STAU2: variants seen among roughly 807,000 people sequenced by gnomAD.
The protein encoded by STAU2 is double-stranded RNA-binding protein Staufen homolog 2.
STAU2 carries 20 observed loss-of-function variants against 65.9 expected under a neutral mutation model. That is an observed-to-expected ratio of 0.30 (90% CI 0.21 to 0.44). The LOEUF (loss-of-function observed/expected upper bound fraction) is 0.44, where lower values mean the gene tolerates loss of function less well. STAU2 is among the 20% of genes least tolerant of loss of function. The probability of loss-of-function intolerance (pLI) is 1.00; values close to 1 mark genes in which losing one functional copy is unlikely to be tolerated. For missense variants in STAU2, 558 were observed against 683.9 expected (o/e 0.82, Z 2.05); for synonymous variants, 232 against 233.9 (o/e 0.99, Z 0.07).
At chr8:73,626,839 A>G (rs117650003) in intron 6 of STAU2, among the ~76,000 whole-genome samples, 8,935 of 152,096 alleles carry the variant, frequency 0.059, 345 homozygotes, top group Middle Eastern at 0.19. Context: ...TGGGTGATCA[A>G]CTCTAGTGAA....
At chr8:73,641,042 AATACTTGCCC>A (rs1563476023) in intron 6 of STAU2, among the ~76,000 whole-genome samples, 2 of 152,212 alleles carry the variant, frequency 1.3e-5, no homozygotes, top group Non-Finnish European at 2.9e-5. Context: ...AACTCTATAT[AATACTTGCCC>A]ACTGAGTGAT....
intron 13 of STAU2, among the ~76,000 whole-genome samples, chr8:73,468,778 T>C (rs1819806366): frequency 6.6e-6 from 1 of 152,130 alleles, no homozygotes; most frequent in Non-Finnish European, 1.5e-5. Context: ...CCAGTTAGAA[T>C]GGCAATCATT....
At position 73,653,861 on chromosome 8, in the gene STAU2, G is replaced by A. The variant is rs992872297; in HGVS notation, c.410+19246C>T. On this transcript the variant is annotated intron_variant, in intron 6 of 14. Coordinates refer to ENST00000524300, the MANE Select transcript of STAU2 (RefSeq NM_001164380.2). The stretch of plus-strand genomic sequence containing the variant: ...TTGTCTTCAAATCCCTTTTACCATG[G>A]AACATCTTATAACACTGACTTAGGT... 1.8e-5 allele frequency: 8 copies of A among 436,268 alleles called. No individual in the cohort carries two copies. The East Asian group carries it at 3.9e-4, about 21-fold the overall frequency. 27.0% of individuals were successfully genotyped at this position (436,268 alleles called of 1,614,324 possible). A position where few individuals can be genotyped will look rare whatever the true frequency, so the allele number is the denominator to read the frequency against.
At chr8:73,613,652 T>A (rs1812630197) in intron 9 of STAU2, 92 bp downstream of exon 9, 2 of 936,586 alleles carry the variant, frequency 2.1e-6, no homozygotes, top group Admixed American at 5.3e-5. Context: ...AGTCCATAAG[T>A]TCAGGGATCT....
intron 13 of STAU2, among the ~76,000 whole-genome samples, chr8:73,423,156 C>T (rs138516442): frequency 3.3e-5 from 5 of 152,284 alleles, no homozygotes; most frequent in South Asian, 4.1e-4. Flanking sequence ...AGAATGTCAG[C>T]AGAGGAATGG....
chr8:73,710,736 A>G (rs1001348630), intron 3 of STAU2, among the ~76,000 whole-genome samples: 4 of 152,012 alleles, frequency 2.6e-5, no homozygotes, highest in African/African-American at 9.7e-5. Context: ...TCCCATAAAA[A>G]ATGCCAAAAT....
At chr8:73,605,878 TACAC>T (rs58486426) in intron 9 of STAU2, among the ~76,000 whole-genome samples, 54,249 of 117,548 alleles carry the variant, frequency 0.46, 11,649 homozygotes, top group Admixed American at 0.56. Flanking sequence ...CACACACACA[TACAC>T]ACACACACAC....
chr8:73,440,031 G>A (rs1818017676), intron 13 of STAU2: 1 of 152,250 alleles, frequency 6.6e-6, no homozygotes, highest in Admixed American at 6.5e-5. Flanking sequence ...GACCTGAGAG[G>A]GTGTTAATCA....
intron 3 of STAU2, among the ~76,000 whole-genome samples, chr8:73,729,131 C>A (rs1362996981): frequency 6.6e-6 from 1 of 152,138 alleles, no homozygotes; most frequent in Non-Finnish European, 1.5e-5. Flanking sequence ...GCCTTTCTAT[C>A]AAGAACAGCT....
At chr8:73,536,186 T>A (rs1806170023) in intron 13 of STAU2, among the ~76,000 whole-genome samples, 3 of 152,174 alleles carry the variant, frequency 2.0e-5, no homozygotes. Flanking sequence ...ATAAGCATAA[T>A]TCCAAAATGT....
chr8:73,636,504 A>G (rs1814525478), intron 6 of STAU2, among the ~76,000 whole-genome samples: 1 of 152,128 alleles, frequency 6.6e-6, no homozygotes, highest in South Asian at 2.1e-4. Flanking sequence ...GGAAAAAATG[A>G]TCCATTCTCA....
intron 11 of STAU2, 41 bp from the exon 12 acceptor site, chr8:73,582,871 C>T: frequency 1.9e-6 from 3 of 1,560,552 alleles, no homozygotes; most frequent in East Asian, 4.5e-5. Flanking sequence ...GAGAAACAAG[C>T]TTATTCAAAA....
chr8:73,718,561 G>A (rs1821419732), intron 3 of STAU2, among the ~76,000 whole-genome samples: 1 of 152,192 alleles, frequency 6.6e-6, no homozygotes, highest in South Asian at 2.1e-4. Flanking sequence ...GATTCAAAAT[G>A]TTTTGCCCCT....
intron 6 of STAU2, among the ~76,000 whole-genome samples, chr8:73,658,928 C>CAA: frequency 1.2e-5 from 1 of 82,646 alleles, no homozygotes. Flanking sequence ...ACAACAACAA[C>CAA]AACAACAAAA....
intron 6 of STAU2, among the ~76,000 whole-genome samples, chr8:73,650,113 T>C (rs1378203489): frequency 2.0e-5 from 3 of 151,770 alleles, no homozygotes; most frequent in African/African-American, 7.3e-5. Flanking sequence ...TGGGGATAAC[T>C]GAATATCCAG....
At position 73,637,373 on chromosome 8, in the gene STAU2, T is replaced by C. The variant is rs976359468; in HGVS notation, c.411-19922A>G. ...AAAAGCTAAAAAGACATATTATTTA[T>C]GGGGAGCAACAATTCAAATGATGGA... is the stretch of plus-strand genomic sequence containing the variant. On this transcript the variant is annotated intron_variant, in intron 6 of 14. Coordinates refer to ENST00000524300, the MANE Select transcript of STAU2 (RefSeq NM_001164380.2). 1.5e-4 allele frequency among the ~76,000 whole-genome samples: 22 copies of C among 146,576 alleles called. 1 individual carries two copies. The highest frequency in any genetic ancestry group is 5.5e-4 in the African/African-American group (22 of 39,916).
chr8:73,721,116 CAAAAAAAA>C (rs1159562570), intron 3 of STAU2, among the ~76,000 whole-genome samples: 2 of 43,664 alleles, frequency 4.6e-5, no homozygotes, highest in Admixed American at 5.4e-4. Context: ...CCCAACACTA[CAAAAAAAA>C]AAAAAAAAAA....
intron 13 of STAU2, among the ~76,000 whole-genome samples, chr8:73,519,991 A>G (rs1407631247): frequency 6.6e-6 from 1 of 152,238 alleles, no homozygotes; most frequent in Non-Finnish European, 1.5e-5. Flanking sequence ...GACTGGAGTG[A>G]CATCTTGGCT....
chr8:73,464,381 G>A (rs1392754807), intron 13 of STAU2, among the ~76,000 whole-genome samples: 2 of 152,128 alleles, frequency 1.3e-5, no homozygotes, highest in African/African-American at 4.8e-5. Flanking sequence ...CCTTCACTTT[G>A]AATATCATTT....
Sources: allele counts gnomAD v4.1 joint callset (sites outside exome capture counted in the v4.1 genomes callset), GRCh38; gene constraint gnomAD v4.1.1; transcripts MANE v1.5; gene names NCBI Gene and HGNC (gene_info 2026-07-23, HGNC 2026-07-21).